The following WWC2 variants were observed in gnomAD, a reference collection of about 807,000 sequenced individuals.
WWC2 encodes WW and C2 domain containing 2.
Under a neutral mutation model 138.5 loss-of-function variants are expected in WWC2, and 101 were observed. The observed-to-expected ratio is 0.73, with a 90% CI of 0.62 to 0.86. WWC2 has a LOEUF of 0.86. WWC2 is among the 40% of genes least tolerant of loss of function. WWC2 has a pLI of 0.00. For synonymous variants in WWC2, 558 were observed against 538.4 expected, an observed-to-expected ratio of 1.04 and a Z score of -0.50; for missense variants, 1,420 against 1,419.4, an observed-to-expected ratio of 1.00 and a Z score of -0.01.
chr4:183,154,570 G>A (rs1273641597), intron 1 of WWC2, among the ~76,000 whole-genome samples: 1 of 152,054 alleles, frequency 6.6e-6, no homozygotes, highest in African/African-American at 2.4e-5. Flanking sequence ...ATAACCAAAT[G>A]GCTACATCTT....
At chr4:183,134,894 A>G (rs1286825526) in intron 1 of WWC2, among the ~76,000 whole-genome samples, 1 of 152,014 alleles carries the variant, frequency 6.6e-6, no homozygotes, top group East Asian at 1.9e-4. Flanking sequence ...TGAACATGAT[A>G]TATTTAAATT....
At chr4:183,230,795 A>G (rs1162740659) in intron 4 of WWC2, among the ~76,000 whole-genome samples, 1 of 151,544 alleles carries the variant, frequency 6.6e-6, no homozygotes, top group Non-Finnish European at 1.5e-5. Flanking sequence ...ACTCAAAAGT[A>G]AGAAGAGAAA....
At chr4:183,193,770 TCA>T in intron 2 of WWC2, 62 bp downstream of exon 2, 1 of 1,332,184 alleles carries the variant, frequency 7.5e-7, no homozygotes, top group South Asian at 1.2e-5. Context: ...AAACCTACAG[TCA>T]CACAAAAGAA....
intron 5 of WWC2, among the ~76,000 whole-genome samples, chr4:183,241,193 G>C (rs6852621): frequency 6.6e-6 from 1 of 152,106 alleles, no homozygotes; most frequent in Non-Finnish European, 1.5e-5. Context: ...TGTTCTTCCC[G>C]GCATCTCCCG....
rs772769913 is a variant in WWC2 at position 183,261,104 on chromosome 4, G to A, written c.1481G>A (p.Ser494Asn). The A allele has an allele frequency of 1.2e-6, 2 of 1,613,984 alleles. No individual in the cohort carries two copies. The highest frequency in any genetic ancestry group is 1.1e-5 in the South Asian group (1 of 91,080). The change falls in exon 11 of 23, where the codon AGC (serine) becomes AAC (asparagine). Residue 494 changes from serine to asparagine, a missense_variant. Ser to Asn is a conservative substitution (Grantham distance 46, BLOSUM62 1). Transcript: ENST00000403733. ...CTGGACTTCCTTCTGCAAGAGAAAA[G>A]CGGTTACATTCCTTCTGGACCCATC... is the stretch of plus-strand genomic sequence containing the variant. ...YKLDFLLQEK[S>N]GYIPSGPITT...
rs1474179473 is a variant in WWC2, at chr4:183,195,180, T to G, written c.241+1472T>G. ...TCACTTTAAGCACGGTGTCTCACCCTTATGTCATTGCAAATAAACAAGTCA... is the reference window on the plus strand; with the variant it reads ...TCACTTTAAGCACGGTGTCTCACCCGTATGTCATTGCAAATAAACAAGTCA... On this transcript the variant is annotated intron_variant, in intron 2 of 22. Transcript: ENST00000403733. Among the ~76,000 whole-genome samples the G allele has an allele frequency of 1.3e-5, 2 of 152,240 alleles. 1 individual carries two copies. The highest frequency in any genetic ancestry group is 4.8e-5 in the African/African-American group (2 of 41,448).
intron 1 of WWC2, among the ~76,000 whole-genome samples, chr4:183,155,634 T>C (rs1490815204): frequency 6.6e-6 from 1 of 152,088 alleles, no homozygotes; most frequent in Non-Finnish European, 1.5e-5. Context: ...GGAATGAGAT[T>C]ATGTTAAGAG....
chr4:183,111,897 C>T (rs1732244301), intron 1 of WWC2, among the ~76,000 whole-genome samples: 1 of 151,806 alleles, frequency 6.6e-6, no homozygotes, highest in African/African-American at 2.4e-5. Flanking sequence ...AGGGTTTCGC[C>T]ATGTTGCCCA....
At chr4:183,259,753 GA>G (rs1270333741) in intron 10 of WWC2, 25 bp downstream of exon 10, 1 of 1,466,764 alleles carries the variant, frequency 6.8e-7, no homozygotes, top group Non-Finnish European at 9.3e-7. Context: ...TTTTTGAGGG[GA>G]AAGCTTTTCT....
intron 1 of WWC2, among the ~76,000 whole-genome samples, chr4:183,116,060 T>A (rs995489859): frequency 6.6e-6 from 1 of 152,210 alleles, no homozygotes; most frequent in African/African-American, 2.4e-5. Flanking sequence ...TGCATATGAC[T>A]GGCCAGTTAT....
At chr4:183,295,386 G>C (rs1052999483) in intron 21 of WWC2, among the ~76,000 whole-genome samples, 1 of 152,188 alleles carries the variant, frequency 6.6e-6, no homozygotes, top group African/African-American at 2.4e-5. Context: ...TAGAATAGAG[G>C]ATTTCACCCT....
In WWC2 at chr4:183,282,556, T is replaced by C; in HGVS notation, c.2685-152T>C. 5.5e-6 allele frequency: 4 copies of C among 733,344 alleles called. No individual in the cohort carries two copies. The South Asian group carries it at 7.6e-5, about 14-fold the overall frequency. The allele number at this position is 733,344 out of a possible 1,614,324, so 45.4% of individuals were successfully genotyped here. ...AGGGTGAAGAGAGGATTTTTTTAAA[T>C]GAGACATTTAGTTAAAAACCCCAGC... On this transcript the variant is annotated intron_variant, in intron 17 of 22. Coordinates refer to ENST00000403733, the MANE Select transcript of WWC2 (RefSeq NM_024949.6).
chr4:183,286,191 G>A, intron 20 of WWC2, 132 bp downstream of exon 20: 2 of 819,320 alleles, frequency 2.4e-6, no homozygotes, highest in East Asian at 2.8e-5. Flanking sequence ...GCAGCCACTG[G>A]GATACACAGA....
At chr4:183,299,607 G>A (rs114198091) in intron 21 of WWC2, among the ~76,000 whole-genome samples, 2,731 of 152,078 alleles carry the variant, frequency 0.018, 29 homozygotes, top group Non-Finnish European at 0.027. Context: ...TCATTATAGC[G>A]ACAGAAACTC....
intron 2 of WWC2, among the ~76,000 whole-genome samples, chr4:183,194,547 T>C (rs988779661): frequency 1.3e-5 from 2 of 152,254 alleles, no homozygotes; most frequent in East Asian, 1.9e-4. Flanking sequence ...TCTATTCTTA[T>C]ATTTAAAATT....
intron 6 of WWC2, among the ~76,000 whole-genome samples, chr4:183,247,051 C>CT (rs1736801906): frequency 6.6e-6 from 1 of 152,136 alleles, no homozygotes; most frequent in South Asian, 2.1e-4. Flanking sequence ...CAGAGATTGA[C>CT]AATAGAGTTA....
chr4:183,309,808 C>T (rs928515542), intron 21 of WWC2, among the ~76,000 whole-genome samples: 5 of 152,180 alleles, frequency 3.3e-5, no homozygotes, highest in African/African-American at 1.2e-4. Context: ...AACTTGAAAG[C>T]AGTCAAGATG....
At chr4:183,294,655 A>G (rs1328458709) in intron 21 of WWC2, among the ~76,000 whole-genome samples, 1 of 152,242 alleles carries the variant, frequency 6.6e-6, no homozygotes, top group Non-Finnish European at 1.5e-5. Context: ...CATGAGATAA[A>G]GTGAGAGAGA....
chr4:183,142,086 TAGG>T (rs1440435318), intron 1 of WWC2, among the ~76,000 whole-genome samples: 4 of 152,148 alleles, frequency 2.6e-5, no homozygotes, highest in South Asian at 2.1e-4. Flanking sequence ...AGAAAAGTGA[TAGG>T]AGAGCATGGG....
Sources: allele counts gnomAD v4.1 joint callset (sites outside exome capture counted in the v4.1 genomes callset), GRCh38; gene constraint gnomAD v4.1.1; transcripts MANE v1.5; gene names NCBI Gene and HGNC (gene_info 2026-07-23, HGNC 2026-07-21).